C4orf50: variants seen among roughly 807,000 people sequenced by gnomAD.
C4orf50 encodes the protein uncharacterized protein C4orf50.
A neutral mutation model predicts 77.2 loss-of-function variants in C4orf50; 80 were observed. That is an observed-to-expected ratio of 1.04 (90% CI 0.87 to 1.25). The LOEUF (loss-of-function observed/expected upper bound fraction) is 1.25. Among genes scored for constraint, C4orf50 ranks in the 50% most tolerant of loss-of-function variants. C4orf50 has a pLI of 0.00. For missense variants in C4orf50, 1,257 were observed against 1,152.9 expected, an observed-to-expected ratio of 1.09 and a Z score of -1.31; for synonymous variants, 532 against 465.3, an observed-to-expected ratio of 1.14 and a Z score of -1.84.
chr4:5,964,719 G>C (rs1431142317), intron 33 of C4orf50, among the ~76,000 whole-genome samples: 2 of 142,836 alleles, frequency 1.4e-5, no homozygotes, highest in East Asian at 4.4e-4. Context: ...AGTGAGCCGA[G>C]ATCGCGCCAC....
chr4:5,948,928 T>C (rs1260529500), intron 7 of C4orf50, among the ~76,000 whole-genome samples: 2 of 142,056 alleles, frequency 1.4e-5, no homozygotes, highest in Admixed American at 1.4e-4. Context: ...ACCATTGCAC[T>C]TCAGCCTGGG....
chr4:5,967,351 C>T lies in C4orf50; in HGVS notation c.4153+63G>A, dbSNP rs376808164. 1.4e-4 allele frequency: 195 copies of T among 1,345,096 alleles called. No individual in the cohort carries two copies. In the African/African-American group the frequency reaches 2.1e-3, roughly 14 times the overall value. 83.3% of individuals were successfully genotyped at this position (1,345,096 alleles called of 1,614,324 possible). A position where few individuals can be genotyped will look rare whatever the true frequency, so the allele number is the denominator to read the frequency against. ...CTCCCCTCTGGCCCACCTCTCACAG[C>T]GTCCTGCCGGCCTGGACTTTTTCTG... On this transcript the variant is annotated intron_variant, in intron 32 of 33. Transcript: ENST00000531445.
exon 8 of C4orf50, chr4:5,898,152 G>A (rs964223944): frequency 6.6e-6 from 1 of 152,250 alleles, no homozygotes; most frequent in Non-Finnish European, 1.5e-5. Context: ...CAACCTGGAA[G>A]AACTAAGGAG....
At position 5,990,500 on chromosome 4, in the gene C4orf50, G is replaced by A; in HGVS notation, c.1546C>T (p.Gln516Ter). ...AGGGAGGCACCGCGGCCTCTTGTCT[G>A]GTGACAATCCCAGCCTGGGTGTCCT... Residue 516 changes from glutamine (Q) to a stop codon, truncating the protein, a stop_gained, in exon 28 of 34, where the codon CAG becomes TAG. Transcript: ENST00000531445. LOFTEE classifies it high-confidence loss of function. 2.5e-6 allele frequency: 1 copy of A among 399,318 alleles called. No homozygotes were observed. Among genetic ancestry groups the A allele is most frequent in the Non-Finnish European group, 4.4e-6 (1 of 226,286 alleles). 24.7% of individuals were successfully genotyped at this position (399,318 alleles called of 1,614,324 possible).
chr4:5,944,729 C>T (rs1718409804), intron 7 of C4orf50, among the ~76,000 whole-genome samples: 1 of 152,196 alleles, frequency 6.6e-6, no homozygotes, highest in Admixed American at 6.5e-5. Context: ...GGGAGACAGG[C>T]AGGGACAAGG....
intron 28 of C4orf50, among the ~76,000 whole-genome samples, chr4:5,982,098 C>T (rs572609557): frequency 5.3e-5 from 8 of 152,162 alleles, no homozygotes; most frequent in Admixed American, 3.9e-4. Context: ...CTGAGATGCA[C>T]GGGCTGGGCC....
intron 30 of C4orf50, among the ~76,000 whole-genome samples, chr4:5,975,357 G>A (rs1377203690): frequency 6.6e-6 from 1 of 152,088 alleles, no homozygotes; most frequent in Non-Finnish European, 1.5e-5. Flanking sequence ...ACCCCATCGA[G>A]TGGGAACAGC....
chr4:5,962,960 A>G (rs2108765332), intron 33 of C4orf50, among the ~76,000 whole-genome samples: 2 of 146,672 alleles, frequency 1.4e-5, no homozygotes, highest in Non-Finnish European at 3.0e-5. Context: ...TTTTACAAGT[A>G]CTCCCTTCGC....
At position 5,905,785 on chromosome 4, in the gene C4orf50, G is replaced by T. The variant is rs1045521123; in HGVS notation, c.*2475-7597C>A. Among the ~76,000 whole-genome samples the T allele has an allele frequency of 6.6e-6, 1 of 152,198 alleles. No homozygotes were observed. The highest frequency in any genetic ancestry group is 2.4e-5 in the African/African-American group (1 of 41,436). ...CAGGAGCCTCTCAAAGGGGCCAATGGCCAAAAGAAGGTTGAGAACAACTGA... is the reference window on the plus strand; with the variant it reads ...CAGGAGCCTCTCAAAGGGGCCAATGTCCAAAAGAAGGTTGAGAACAACTGA... On this transcript the variant is annotated intron_variant, in intron 7 of 7. Coordinates refer to the C4orf50 transcript ENST00000324058. The surrounding 1 kb of genome is among the most constrained non-coding windows in gnomAD (Gnocchi z 5.4).
chr4:5,923,633 AGTAGGGAATGTGGGAGGCTGT>A (rs931920217), intron 7 of C4orf50, among the ~76,000 whole-genome samples: 2 of 152,182 alleles, frequency 1.3e-5, no homozygotes, highest in African/African-American at 4.8e-5. Context: ...ATGATCCATC[AGTAGGGAATGTGGGAGGCTGT>A]GTGGTCACTC....
chr4:5,909,478 A>G (rs1437513086), intron 7 of C4orf50, among the ~76,000 whole-genome samples: 3 of 152,148 alleles, frequency 2.0e-5, no homozygotes, highest in African/African-American at 7.2e-5. Context: ...TACTCTGTTG[A>G]TTGTTTCCTT....
intron 7 of C4orf50, among the ~76,000 whole-genome samples, chr4:5,927,703 T>G (rs11732288): frequency 6.6e-6 from 1 of 152,030 alleles, no homozygotes; most frequent in Non-Finnish European, 1.5e-5. Flanking sequence ...CCTTCTGCCA[T>G]GATTGTAAGT....
intron 7 of C4orf50, among the ~76,000 whole-genome samples, chr4:5,941,255 A>G (rs115607264): frequency 6.6e-6 from 1 of 152,208 alleles, no homozygotes; most frequent in African/African-American, 2.4e-5. Flanking sequence ...TTCTGACAAC[A>G]ACACTGCGAG....
At chr4:5,984,521 C>A (rs973574808) in intron 28 of C4orf50, among the ~76,000 whole-genome samples, 1 of 152,100 alleles carries the variant, frequency 6.6e-6, no homozygotes, top group Non-Finnish European at 1.5e-5. Flanking sequence ...GAACCAGAAT[C>A]TCTTTTTAAA....
intron 29 of C4orf50, among the ~76,000 whole-genome samples, chr4:5,976,666 T>C (rs768701804): frequency 7.2e-5 from 11 of 152,162 alleles, no homozygotes; most frequent in Non-Finnish European, 1.5e-4. Context: ...ACTCTCTGCC[T>C]CAGTCTTCTC....
At chr4:5,966,780 G>C (rs1719596616) in intron 32 of C4orf50, among the ~76,000 whole-genome samples, 1 of 151,676 alleles carries the variant, frequency 6.6e-6, no homozygotes, top group African/African-American at 2.4e-5. Flanking sequence ...CTCCCGAGTA[G>C]CTGGGACTAC....
chr4:5,978,901 G>A (rs962584795), intron 29 of C4orf50, among the ~76,000 whole-genome samples: 3 of 152,214 alleles, frequency 2.0e-5, no homozygotes, highest in African/African-American at 7.2e-5. Context: ...TGAGGACTAT[G>A]CAGCCACATG....
rs1381415203 is a variant in C4orf50 at position 5,905,788 on chromosome 4, A to G, written c.*2475-7600T>C. Among the ~76,000 whole-genome samples the G allele has an allele frequency of 6.6e-6, 1 of 152,242 alleles. No individual in the cohort carries two copies. The highest frequency in any genetic ancestry group is 2.4e-5 in the African/African-American group (1 of 41,452). On this transcript the variant is annotated intron_variant, in intron 7 of 7. Transcript: ENST00000324058. The surrounding 1 kb of genome is among the most constrained non-coding windows in gnomAD (Gnocchi z 5.4). ...GAGCCTCTCAAAGGGGCCAATGGCCAAAAGAAGGTTGAGAACAACTGAAGA... is the reference window on the plus strand; with the variant it reads ...GAGCCTCTCAAAGGGGCCAATGGCCGAAAGAAGGTTGAGAACAACTGAAGA...
intron 25 of C4orf50, among the ~76,000 whole-genome samples, chr4:5,999,318 C>T (rs1169919304): frequency 6.6e-6 from 1 of 152,210 alleles, no homozygotes; most frequent in Non-Finnish European, 1.5e-5. Flanking sequence ...CTCCCTTCCT[C>T]AGTGTTCTCC....
Sources: allele counts gnomAD v4.1 joint callset (sites outside exome capture counted in the v4.1 genomes callset), GRCh38; gene constraint gnomAD v4.1.1; non-coding constraint Gnocchi (gnomAD v3.1); transcripts MANE v1.5; gene names NCBI Gene and HGNC (gene_info 2026-07-23, HGNC 2026-07-21).